LRCH3: variants seen among roughly 807,000 people sequenced by gnomAD.
LRCH3 encodes the protein leucine rich repeats and calponin homology domain containing 3, also known as DISP complex protein LRCH3.
A neutral mutation model predicts 104.5 loss-of-function variants in LRCH3; 68 were observed. The ratio of observed to expected loss-of-function variants is 0.65; its 90% CI spans 0.54 to 0.80. The LOEUF (loss-of-function observed/expected upper bound fraction) is 0.80, where lower values mean the gene tolerates loss of function less well. Among genes scored for constraint, LRCH3 ranks in the 30% least tolerant of loss-of-function variants. The pLI, the probability that LRCH3 is intolerant of heterozygous loss-of-function variation, is 0.00. For missense variants in LRCH3, 951 were observed against 953.9 expected (o/e 1.00, Z 0.04); for synonymous variants, 344 against 361.3 (o/e 0.95, Z 0.54).
chr3:197,843,903 A>C (rs1738203198), intron 10 of LRCH3, among the ~76,000 whole-genome samples: 1 of 152,222 alleles, frequency 6.6e-6, no homozygotes, highest in African/African-American at 2.4e-5. Flanking sequence ...CTGATATTTT[A>C]GAGTTACTTT....
Position 197,858,574 on chromosome 3 carries a change from T to C in LRCH3, c.1645-260T>C, listed in dbSNP as rs180895493. Among the ~76,000 whole-genome samples the C allele has an allele frequency of 1.4e-4, 22 of 152,256 alleles. No homozygotes were observed. In the East Asian group the frequency reaches 1.7e-3, roughly 12 times the overall value. The stretch of plus-strand genomic sequence containing the variant: ...TTTTATTTCTGCATAAAATCATTTT[T>C]CAGAAATCATGCCTCTCATTTCTTG... On this transcript the variant is annotated intron_variant, in intron 14 of 20. Coordinates refer to ENST00000425562, the MANE Select transcript of LRCH3 (RefSeq NM_001365715.1).
chr3:197,833,399 A>G (rs2109299249), intron 8 of LRCH3, among the ~76,000 whole-genome samples: 1 of 118,064 alleles, frequency 8.5e-6, no homozygotes, highest in South Asian at 3.0e-4. Flanking sequence ...AAAGCAGGGC[A>G]TAGTGGCATA....
rs964706175 is a variant in LRCH3 at position 197,886,366 on chromosome 3, C to T, written c.*2700C>T. The T allele has an allele frequency of 6.6e-6, 1 of 151,752 alleles. No individual in the cohort carries two copies. The highest frequency in any genetic ancestry group is 1.5e-5 in the Non-Finnish European group (1 of 67,992). 9.4% of individuals were successfully genotyped at this position (151,752 alleles called of 1,614,324 possible). A position where few individuals can be genotyped will look rare whatever the true frequency, so the allele number is the denominator to read the frequency against. ...TCTCTAAAAATAAATTGTACAACAT[C>T]TAACTTCAATGCCCAATCTTATAGA... On this transcript the variant is annotated 3_prime_UTR_variant, in exon 21 of 21. Coordinates refer to ENST00000425562, the MANE Select transcript of LRCH3 (RefSeq NM_001365715.1).
intron 10 of LRCH3, among the ~76,000 whole-genome samples, chr3:197,843,385 G>A (rs778892232): frequency 6.6e-6 from 1 of 151,930 alleles, no homozygotes; most frequent in South Asian, 2.1e-4. Flanking sequence ...ATAGTGCTGG[G>A]TGTAATCCCA....
chr3:197,852,930 G>A (rs571847863), intron 13 of LRCH3, among the ~76,000 whole-genome samples: 13 of 152,060 alleles, frequency 8.5e-5, no homozygotes, highest in African/African-American at 2.9e-4. Flanking sequence ...GCTTTACCTG[G>A]TACAGGTAAA....
chr3:197,801,557 ATCTCTTTTTAAAT>A (rs1182390267), intron 1 of LRCH3, among the ~76,000 whole-genome samples: 12 of 151,976 alleles, frequency 7.9e-5, no homozygotes, highest in Admixed American at 7.9e-4. Context: ...CTTTTTGGCC[ATCTCTTTTTAAAT>A]TCTCTTCCTT....
chr3:197,846,504 C>T (rs1242453784), intron 10 of LRCH3, among the ~76,000 whole-genome samples: 2 of 150,872 alleles, frequency 1.3e-5, no homozygotes, highest in East Asian at 3.9e-4. Flanking sequence ...TTGAGACCAG[C>T]CTGGGCAACA....
At chr3:197,876,321 G>A (rs1324685884) in intron 20 of LRCH3, 1 of 152,216 alleles carries the variant, frequency 6.6e-6, no homozygotes, top group Non-Finnish European at 1.5e-5. Context: ...GATTTCATCA[G>A]TTTTTCCATG....
At chr3:197,847,009 G>C (rs149235847) in intron 10 of LRCH3, among the ~76,000 whole-genome samples, 3 of 152,086 alleles carry the variant, frequency 2.0e-5, no homozygotes, top group East Asian at 1.9e-4. Context: ...GTACAGTTAC[G>C]AGGTTCTGTA....
At position 197,792,577 on chromosome 3, in the gene LRCH3, T is replaced by TTATATATATATATGTATATATATA. The variant is rs1730668643; in HGVS notation, c.262+1050_262+1051insGTATATATATATATATATATATAT. On this transcript the variant is annotated intron_variant, in intron 1 of 20. Transcript: ENST00000425562. ...CAGCCGCCACCACGCCCAGCTAATT[T>TTATATATATATATGTATATATATA]TATATATATATATATATATATATAT... Among the ~76,000 whole-genome samples, 2 of 20,330 alleles carry TTATATATATATATGTATATATATA rather than the reference T, an allele frequency of 9.8e-5. 1 individual carries two copies. The highest frequency in any genetic ancestry group is 2.4e-4 in the Non-Finnish European group (2 of 8,482). 13.3% of individuals were successfully genotyped at this position (20,330 alleles called of 152,430 possible). A position where few individuals can be genotyped will look rare whatever the true frequency, so the allele number is the denominator to read the frequency against.
intron 9 of LRCH3, among the ~76,000 whole-genome samples, chr3:197,837,687 A>G (rs1314675093): frequency 1.3e-5 from 2 of 152,280 alleles, no homozygotes; most frequent in Non-Finnish European, 2.9e-5. Flanking sequence ...AACCAATGTC[A>G]CATTCATTTT....
At chr3:197,837,635 G>C (rs1212827784) in intron 9 of LRCH3, among the ~76,000 whole-genome samples, 1 of 151,900 alleles carries the variant, frequency 6.6e-6, no homozygotes, top group African/African-American at 2.4e-5. Flanking sequence ...CACATACATA[G>C]ACCATTCCTG....
chr3:197,852,858 C>G (rs1739797224), intron 13 of LRCH3, among the ~76,000 whole-genome samples: 1 of 152,114 alleles, frequency 6.6e-6, no homozygotes, highest in Non-Finnish European at 1.5e-5. Flanking sequence ...CTCCCTGACC[C>G]CCACCAGAGG....
chr3:197,829,465 T>C (rs1239215932), intron 5 of LRCH3, 99 bp from the exon 6 acceptor site: 3 of 650,360 alleles, frequency 4.6e-6, no homozygotes, highest in Non-Finnish European at 5.2e-6. Context: ...TAGAAATGCC[T>C]CCCTTTCCCA....
In LRCH3 at chr3:197,791,375, A is replaced by C; in HGVS notation, c.97A>C (p.Ser33Arg). 1 of 1,600,318 alleles carries C rather than the reference A, an allele frequency of 6.2e-7. No homozygotes were observed. ...CCTCCCTGGTGTTCACTGCGGCCCA[A>C]GCTCCGGGGCAGGCCCTGGTTTTGG... ...GNLPGVHCGPSSGAGPGFGPG... is the reference protein window; with the variant it reads ...GNLPGVHCGPRSGAGPGFGPG... Residue 33 changes from serine (S) to arginine (R), a missense_variant, in exon 1 of 21, where the codon AGC becomes CGC. Physicochemically the swap from Ser to Arg is moderately radical, Grantham distance 110 (BLOSUM62 -1). Transcript: ENST00000425562.
intron 10 of LRCH3, among the ~76,000 whole-genome samples, chr3:197,845,902 TCAAAACAAAA>T (rs748300197): frequency 1.3e-5 from 2 of 152,214 alleles, no homozygotes; most frequent in African/African-American, 4.8e-5. Flanking sequence ...AGACTCTGTC[TCAAAACAAAA>T]CAAAACAAAA....
At position 197,848,029 on chromosome 3, in the gene LRCH3, G is replaced by C; in HGVS notation, c.1530+8G>C. 2 of 1,613,798 alleles carry C rather than the reference G, an allele frequency of 1.2e-6. No individual in the cohort carries two copies. Among genetic ancestry groups the C allele is most frequent in the Non-Finnish European group, 1.7e-6 (2 of 1,179,800 alleles). On this transcript the variant is annotated splice_region_variant and intron_variant, in intron 12 of 20. Transcript: ENST00000425562. ...GTCCTGGACTTTGTCAAAGTGAGTC[G>C]TTTGAATGATGCTGTTCAAGCTGCT... is the stretch of plus-strand genomic sequence containing the variant.
At chr3:197,808,316 G>A (rs976055420) in intron 1 of LRCH3, among the ~76,000 whole-genome samples, 22 of 152,192 alleles carry the variant, frequency 1.4e-4, no homozygotes, top group African/African-American at 5.3e-4. Flanking sequence ...CAGACTTCTA[G>A]CCTCCAGAAT....
chr3:197,869,564 T>C (rs1304323197), intron 17 of LRCH3, among the ~76,000 whole-genome samples: 4 of 143,732 alleles, frequency 2.8e-5, no homozygotes, highest in African/African-American at 8.1e-5. Context: ...GCACTGTACC[T>C]GCAGGAGGTA....
Sources: gnomAD v4.1 joint callset for allele counts (sites outside exome capture counted in the v4.1 genomes callset) on GRCh38, gnomAD v4.1.1 for gene constraint, MANE v1.5 for transcripts, NCBI Gene and HGNC (gene_info 2026-07-23, HGNC 2026-07-21) for gene names.